LPP: variants seen among roughly 807,000 people sequenced by gnomAD.
LPP encodes lipoma-preferred partner.
Under a neutral mutation model 60.4 loss-of-function variants are expected in LPP, and 38 were observed. The ratio of observed to expected loss-of-function variants is 0.63; its 90% CI spans 0.49 to 0.83. The LOEUF (loss-of-function observed/expected upper bound fraction) is 0.83, where lower values mean the gene tolerates loss of function less well. Among genes scored for constraint, LPP ranks in the 40% least tolerant of loss-of-function variants. The probability of loss-of-function intolerance (pLI) is 0.00; values close to 1 mark genes in which losing one functional copy is unlikely to be tolerated. For missense variants in LPP, 902 were observed against 783.6 expected (o/e 1.15, Z -1.80); for synonymous variants, 328 against 290.8 (o/e 1.13, Z -1.30).
intron 9 of LPP, among the ~76,000 whole-genome samples, chr3:188,798,417 A>G (rs1746023769): frequency 6.6e-6 from 1 of 152,186 alleles, no homozygotes; most frequent in African/African-American, 2.4e-5. Context: ...TAGGAACATA[A>G]TAAGGCCTGT....
rs141478787 is a variant in LPP at position 188,738,417 on chromosome 3, T to C, written c.1241-21696T>C. Reference sequence around the variant, plus strand: ...TATACCCAGATAGGTTATACAAACCTGTAAGTAACAGAGCCAAATTTTAAA... The same window carrying C: ...TATACCCAGATAGGTTATACAAACCCGTAAGTAACAGAGCCAAATTTTAAA... On this transcript the variant is annotated intron_variant, in intron 8 of 11. Transcript: ENST00000617246. Among the ~76,000 whole-genome samples the C allele has an allele frequency of 3.9e-3, 589 of 152,300 alleles. 5 individuals are homozygous for C. The highest frequency in any genetic ancestry group is 0.014 in the African/African-American group (576 of 41,584).
intron 3 of LPP, among the ~76,000 whole-genome samples, chr3:188,348,401 G>A (rs1380854906): frequency 6.6e-6 from 1 of 152,140 alleles, no homozygotes; most frequent in Non-Finnish European, 1.5e-5. Context: ...ACCTGCCTCA[G>A]CCTCCCAAAT....
In LPP at chr3:188,828,614, C is replaced by CAAAAAAAAAAAAAAA. The variant is rs71169022; in HGVS notation, c.1411-37574_1411-37560dup. Among the ~76,000 whole-genome samples the CAAAAAAAAAAAAAAA allele has an allele frequency of 2.9e-4, 9 of 31,340 alleles. 1 individual carries two copies. Among genetic ancestry groups the CAAAAAAAAAAAAAAA allele is most frequent in the Non-Finnish European group, 4.2e-4 (8 of 19,234 alleles). 20.6% of individuals were successfully genotyped at this position (31,340 alleles called of 152,430 possible). ...TGGCAACAAGAGCGAAACTCTGTCT[C>CAAAAAAAAAAAAAAA]AAAAAAAAAAAAAAAAAAAAAAAAA... On this transcript the variant is annotated intron_variant, in intron 9 of 11. Coordinates refer to ENST00000617246, the MANE Select transcript of LPP (RefSeq NM_001375462.1).
At position 188,406,320 on chromosome 3, in the gene LPP, GC is replaced by G; in HGVS notation, c.193+8del. 1 of 1,611,668 alleles carries G rather than the reference GC, an allele frequency of 6.2e-7. No homozygotes were observed. The highest frequency in any genetic ancestry group is 8.5e-7 in the Non-Finnish European group (1 of 1,178,680). On this transcript the variant is annotated splice_region_variant and intron_variant, in intron 4 of 11. Coordinates refer to ENST00000617246, the MANE Select transcript of LPP (RefSeq NM_001375462.1). ...AAACAACCTGGAGGTGAGGGTAAGTGCTGGGATTTCAGAGTTGGTTACTTGG... is the reference window on the plus strand; with the variant it reads ...AAACAACCTGGAGGTGAGGGTAAGTGTGGGATTTCAGAGTTGGTTACTTGG...
At chr3:188,437,540 C>T (rs1792640879) in intron 4 of LPP, among the ~76,000 whole-genome samples, 1 of 152,184 alleles carries the variant, frequency 6.6e-6, no homozygotes, top group African/African-American at 2.4e-5. Flanking sequence ...AACACATCAA[C>T]TCCATTTTCT....
intron 2 of LPP, among the ~76,000 whole-genome samples, chr3:188,308,716 C>T (rs1001420946): frequency 4.6e-5 from 7 of 152,084 alleles, no homozygotes; most frequent in East Asian, 1.9e-4. Flanking sequence ...TCCCCTTATG[C>T]GGAGTAGAGA....
Position 188,412,332 on chromosome 3 carries a change from A to C in LPP, c.193+6019A>C, listed in dbSNP as rs547328981. On this transcript the variant is annotated intron_variant, in intron 4 of 11. Coordinates refer to ENST00000617246, the MANE Select transcript of LPP (RefSeq NM_001375462.1). ...TATTGGGAACGGTTTGTGGCCATTC[A>C]GACTTTGGGTCTGCATTAGGTACCA... is the stretch of plus-strand genomic sequence containing the variant. Among the ~76,000 whole-genome samples, 8 of 152,262 alleles carry C rather than the reference A, an allele frequency of 5.3e-5. 1 individual carries two copies. In the East Asian group the frequency reaches 1.4e-3, roughly 26 times the overall value.
In LPP at chr3:188,639,867, T is replaced by A. The variant is rs577393397; in HGVS notation, c.1113+30023T>A. Among the ~76,000 whole-genome samples the A allele has an allele frequency of 3.4e-3, 513 of 152,196 alleles. 3 individuals are homozygous for A. The highest frequency in any genetic ancestry group is 0.011 in the African/African-American group (470 of 41,532). ...GGCAATCATTAAAAAGTCAGGAAAC[T>A]ACAGGTGCTGGAGAGGATGTGGAGA... On this transcript the variant is annotated intron_variant, in intron 7 of 11. Transcript: ENST00000617246.
chr3:188,354,816 T>TGCGC (rs1767036444), intron 3 of LPP, among the ~76,000 whole-genome samples: 2 of 80,400 alleles, frequency 2.5e-5, no homozygotes, highest in Admixed American at 3.2e-4. Flanking sequence ...CACACGCGCG[T>TGCGC]GCGCGCACAC....
chr3:188,733,017 G>A (rs1002269876), intron 8 of LPP, among the ~76,000 whole-genome samples: 6 of 151,900 alleles, frequency 3.9e-5, no homozygotes, highest in Non-Finnish European at 7.4e-5. Flanking sequence ...CATCAAAGTC[G>A]AAGAATCCCA....
intron 7 of LPP, among the ~76,000 whole-genome samples, chr3:188,614,022 G>A (rs1042370926): frequency 1.3e-5 from 2 of 151,602 alleles, no homozygotes; most frequent in Non-Finnish European, 2.9e-5. Flanking sequence ...CCACCTCCCG[G>A]GTTCAAGTGA....
At chr3:188,251,270 T>C (rs938179435) in intron 2 of LPP, among the ~76,000 whole-genome samples, 1 of 151,632 alleles carries the variant, frequency 6.6e-6, no homozygotes, top group African/African-American at 2.4e-5. Flanking sequence ...CCTTGAGACA[T>C]GTCCCCATCA....
chr3:188,839,871 C>T (rs545796309), intron 9 of LPP, among the ~76,000 whole-genome samples: 5 of 151,742 alleles, frequency 3.3e-5, no homozygotes, highest in South Asian at 4.2e-4. Context: ...AGTGAGACTC[C>T]GTCTCAAAAA....
intron 3 of LPP, among the ~76,000 whole-genome samples, chr3:188,387,081 ATG>A (rs1778493415): frequency 6.6e-6 from 1 of 152,086 alleles, no homozygotes; most frequent in Non-Finnish European, 1.5e-5. Flanking sequence ...CCTGCCTTTA[ATG>A]ACAAAGAAAT....
At chr3:188,511,089 CCCCTCCCT>C (rs1048558499) in intron 5 of LPP, among the ~76,000 whole-genome samples, 4 of 103,846 alleles carry the variant, frequency 3.9e-5, no homozygotes, top group Admixed American at 1.1e-4. Context: ...CCTCCCTGCC[CCCCTCCCT>C]CCCTCCCTCC....
intron 4 of LPP, among the ~76,000 whole-genome samples, chr3:188,446,984 T>C (rs1261613060): frequency 1.3e-5 from 2 of 152,178 alleles, no homozygotes; most frequent in African/African-American, 2.4e-5. Flanking sequence ...CCTTTAGCAG[T>C]TGGCTTAATT....
At chr3:188,496,121 A>T (rs1266169945) in intron 5 of LPP, among the ~76,000 whole-genome samples, 1 of 151,480 alleles carries the variant, frequency 6.6e-6, no homozygotes, top group Non-Finnish European at 1.5e-5. Context: ...CAAATTTCAA[A>T]ATTGACGTCT....
intron 7 of LPP, among the ~76,000 whole-genome samples, chr3:188,652,611 C>T (rs890476182): frequency 2.0e-5 from 3 of 152,152 alleles, no homozygotes; most frequent in African/African-American, 7.2e-5. Context: ...TAGACTTAGG[C>T]CAGAAAGTTT....
chr3:188,755,632 T>G (rs1729884603), intron 8 of LPP, among the ~76,000 whole-genome samples: 1 of 151,610 alleles, frequency 6.6e-6, no homozygotes, highest in Non-Finnish European at 1.5e-5. Flanking sequence ...AGCAAGACCC[T>G]ATCTGTACAG....
Sources: allele counts gnomAD v4.1 joint callset (sites outside exome capture counted in the v4.1 genomes callset), GRCh38; gene constraint gnomAD v4.1.1; transcripts MANE v1.5; gene names NCBI Gene and HGNC (gene_info 2026-07-23, HGNC 2026-07-21).